The following CEP112 variants were observed in gnomAD, a reference collection of about 807,000 sequenced individuals.
CEP112 encodes the protein centrosomal protein 112, also known as centrosomal protein of 112 kDa.
Under a neutral mutation model 153.0 loss-of-function variants are expected in CEP112, and 127 were observed. The observed-to-expected ratio is 0.83, with a 90% CI of 0.72 to 0.96. CEP112 has a LOEUF of 0.96. Among genes scored for constraint, CEP112 ranks in the 40% least tolerant of loss-of-function variants. The probability of loss-of-function intolerance (pLI) is 0.00; values close to 1 mark genes in which losing one functional copy is unlikely to be tolerated. For synonymous variants in CEP112, 358 were observed against 374.4 expected (o/e 0.96, Z 0.51); for missense variants, 1,089 against 1,101.2 (o/e 0.99, Z 0.16).
intron 5 of CEP112, 80 bp downstream of exon 5, chr17:66,132,590 T>C: frequency 1.0e-6 from 1 of 985,198 alleles, no homozygotes; most frequent in South Asian, 1.4e-5. Context: ...CATTGGTACT[T>C]CAACAAATGA....
chr17:66,123,442 G>A (rs1415943980), intron 6 of CEP112, among the ~76,000 whole-genome samples: 2 of 152,228 alleles, frequency 1.3e-5, no homozygotes, highest in Non-Finnish European at 2.9e-5. Context: ...AGGAACAGGG[G>A]AAAAGTGAAA....
intron 20 of CEP112, among the ~76,000 whole-genome samples, chr17:65,887,855 C>T (rs1286912584): frequency 6.6e-6 from 1 of 152,212 alleles, no homozygotes; most frequent in Non-Finnish European, 1.5e-5. Context: ...TTACCTTCCT[C>T]ATGGAGGGGG....
chr17:66,127,677 C>T (rs1444040420), intron 6 of CEP112, among the ~76,000 whole-genome samples: 1 of 152,096 alleles, frequency 6.6e-6, no homozygotes, highest in Non-Finnish European at 1.5e-5. Context: ...TTCTAGTCTC[C>T]GGGCGCAGCT....
At chr17:66,183,010 A>G (rs1484378579) in intron 2 of CEP112, among the ~76,000 whole-genome samples, 184 bp downstream of exon 2, 2 of 152,244 alleles carry the variant, frequency 1.3e-5, no homozygotes, top group Non-Finnish European at 2.9e-5. Flanking sequence ...ACAGTTTGGC[A>G]GGACATTATC....
chr17:65,909,341 G>C (rs529553793), intron 19 of CEP112, among the ~76,000 whole-genome samples: 1 of 152,320 alleles, frequency 6.6e-6, no homozygotes, highest in East Asian at 1.9e-4. Context: ...TCTCTGGCTA[G>C]AAAAGGAGGA....
intron 22 of CEP112, among the ~76,000 whole-genome samples, chr17:65,744,239 G>GTGTTT (rs2051306696): frequency 7.5e-6 from 1 of 133,536 alleles, no homozygotes; most frequent in South Asian, 2.2e-4. Context: ...TGTGTTTTTT[G>GTGTTT]TTTGTTTGTT....
At chr17:65,749,835 T>C (rs1686159817) in intron 22 of CEP112, among the ~76,000 whole-genome samples, 1 of 151,928 alleles carries the variant, frequency 6.6e-6, no homozygotes, top group Non-Finnish European at 1.5e-5. Context: ...TGGTAAATTC[T>C]AGTTTACTAA....
intron 19 of CEP112, chr17:65,913,361 T>C (rs1355039043): frequency 3.1e-6 from 1 of 323,284 alleles, no homozygotes; most frequent in East Asian, 1.7e-4. Context: ...CCCTTAAAGA[T>C]AAAATAAGGA....
chr17:65,920,589 C>T (rs1399131556), intron 19 of CEP112, among the ~76,000 whole-genome samples: 2 of 150,478 alleles, frequency 1.3e-5, no homozygotes, highest in Admixed American at 6.6e-5. Context: ...AAATTCAGAC[C>T]TTAAATTTAC....
chr17:65,652,701 A>G (rs537707481), intron 24 of CEP112, among the ~76,000 whole-genome samples: 2 of 152,206 alleles, frequency 1.3e-5, no homozygotes, highest in Non-Finnish European at 2.9e-5. Flanking sequence ...AAAAGCTCCT[A>G]TGAATCCAGA....
At chr17:65,744,015 G>A (rs2051290116) in intron 22 of CEP112, among the ~76,000 whole-genome samples, 1 of 151,962 alleles carries the variant, frequency 6.6e-6, no homozygotes, top group Non-Finnish European at 1.5e-5. Context: ...CACCCACCTC[G>A]GCATCCCAAA....
At chr17:66,069,323 C>A (rs1396402137) in intron 9 of CEP112, among the ~76,000 whole-genome samples, 1 of 151,768 alleles carries the variant, frequency 6.6e-6, no homozygotes, top group Admixed American at 6.6e-5. Flanking sequence ...TAGTAACAAC[C>A]CAAATCCCAT....
At chr17:66,141,616 T>C (rs2070703819) in intron 4 of CEP112, among the ~76,000 whole-genome samples, 2 of 152,160 alleles carry the variant, frequency 1.3e-5, no homozygotes, top group South Asian at 4.1e-4. Context: ...TCCTCTTCTA[T>C]GGGTTTGACT....
intron 24 of CEP112, chr17:65,661,813 A>T (rs1346300735): frequency 6.6e-6 from 1 of 152,116 alleles, no homozygotes; most frequent in East Asian, 1.9e-4. Context: ...TCGGCATTTC[A>T]TCTGCTCTAG....
intron 20 of CEP112, among the ~76,000 whole-genome samples, chr17:65,897,762 C>T (rs891388758): frequency 1.3e-5 from 2 of 151,982 alleles, no homozygotes; most frequent in African/African-American, 2.4e-5. Context: ...CTAGTAATTA[C>T]ATTTTATGAA....
chr17:65,805,473 G>C (rs1411599111), intron 21 of CEP112, among the ~76,000 whole-genome samples: 3 of 152,120 alleles, frequency 2.0e-5, no homozygotes, highest in African/African-American at 7.2e-5. Flanking sequence ...TTTTATTGTA[G>C]GGAATCTTTT....
intron 21 of CEP112, among the ~76,000 whole-genome samples, chr17:65,811,976 C>T (rs2055987370): frequency 6.6e-6 from 1 of 151,866 alleles, no homozygotes; most frequent in Non-Finnish European, 1.5e-5. Flanking sequence ...TGCTGCTTTC[C>T]AATCCTAATC....
intron 17 of CEP112, among the ~76,000 whole-genome samples, chr17:65,983,747 T>C (rs1482450366): frequency 6.6e-6 from 1 of 152,200 alleles, no homozygotes; most frequent in Non-Finnish European, 1.5e-5. Context: ...ACCTCTTTTC[T>C]TTATAAATCA....
In CEP112 at chr17:66,191,138, T is replaced by C. The variant is rs945288502; in HGVS notation, c.-9+859A>G. Among the ~76,000 whole-genome samples the C allele has an allele frequency of 3.3e-5, 5 of 152,094 alleles. No homozygotes were observed. Among genetic ancestry groups the C allele is most frequent in the Admixed American group, 3.3e-4 (5 of 15,270 alleles). The stretch of plus-strand genomic sequence containing the variant: ...CCCTACCATTTCCGCACCATTTCCA[T>C]GGTCATTTCACAGAGGAAGAAGGAA... On this transcript the variant is annotated intron_variant, in intron 1 of 26. Coordinates refer to ENST00000535342, the MANE Select transcript of CEP112 (RefSeq NM_001199165.4). The surrounding 1 kb of genome is among the most constrained non-coding windows in gnomAD (Gnocchi z 4.2).
Sources: allele counts gnomAD v4.1 joint callset (sites outside exome capture counted in the v4.1 genomes callset), GRCh38; gene constraint gnomAD v4.1.1; non-coding constraint Gnocchi (gnomAD v3.1); transcripts MANE v1.5; gene names NCBI Gene and HGNC (gene_info 2026-07-23, HGNC 2026-07-21).